The following ZFHX3 variants were observed in gnomAD, a reference collection of about 807,000 sequenced individuals.
The protein encoded by ZFHX3 is zinc finger homeobox protein 3.
In ZFHX3, 42 loss-of-function variants were observed where a neutral mutation model predicts 279.1. The observed-to-expected ratio is 0.15, with a 90% CI of 0.12 to 0.19. The LOEUF (loss-of-function observed/expected upper bound fraction) is 0.19, where lower values mean the gene tolerates loss of function less well. Among genes scored for constraint, ZFHX3 ranks in the 10% least tolerant of loss-of-function variants. The pLI, the probability that ZFHX3 is intolerant of heterozygous loss-of-function variation, is 1.00. For synonymous variants in ZFHX3, 2,293 were observed against 1,957.8 expected (o/e 1.17, Z -4.52); for missense variants, 4,981 against 4,754.0 (o/e 1.05, Z -1.40).
At chr16:73,144,113 C>T (rs1966854527) in intron 5 of ZFHX3, among the ~76,000 whole-genome samples, 1 of 152,100 alleles carries the variant, frequency 6.6e-6, no homozygotes, top group East Asian at 1.9e-4. Flanking sequence ...CAGCCAACCT[C>T]AAGACAGCAT....
chr16:73,703,677 G>A lies in ZFHX3; in HGVS notation c.-1607-23437C>T, dbSNP rs376547940. Reference sequence around the variant, plus strand: ...TGAGTAAGAAAGATTTAAGAGTCCCGGGAGGTGCCTGGCAGACACTGGACT... The same window carrying A: ...TGAGTAAGAAAGATTTAAGAGTCCCAGGAGGTGCCTGGCAGACACTGGACT... On this transcript the variant is annotated intron_variant, in intron 1 of 17. Transcript: ENST00000641206. Among the ~76,000 whole-genome samples, 85 of 152,198 alleles carry A rather than the reference G, an allele frequency of 5.6e-4. 1 individual carries two copies. In the South Asian group the frequency reaches 0.016, roughly 29 times the overall value.
chr16:73,292,077 AT>A (rs1313856643), intron 4 of ZFHX3, among the ~76,000 whole-genome samples: 1 of 152,222 alleles, frequency 6.6e-6, no homozygotes, highest in Non-Finnish European at 1.5e-5. Context: ...GTTCAAGTTC[AT>A]TATGTTACTT....
chr16:72,797,155 G>T lies in ZFHX3; in HGVS notation c.5527C>A (p.Gln1843Lys). ...EDLKAQVQVP[Q>K]QSHQQILPQQ... Reference sequence around the variant, plus strand: ...GGCAAGATCTGCTGATGGCTCTGCTGTGGGACCTGAACCTGAGCCTTCAGA... The same window carrying T: ...GGCAAGATCTGCTGATGGCTCTGCTTTGGGACCTGAACCTGAGCCTTCAGA... Residue 1843 changes from glutamine to lysine, a missense_variant, in exon 9 of 10, where the codon CAG (glutamine) becomes AAG (lysine). This residue lies in a region of ZFHX3 where 1,751 missense variants were observed against 1,770.0 expected (regional missense o/e 0.99). Transcript: ENST00000268489. 2 of 1,613,972 alleles carry T rather than the reference G, an allele frequency of 1.2e-6. No individual in the cohort carries two copies. Among genetic ancestry groups the T allele is most frequent in the East Asian group, 2.2e-5 (1 of 44,858 alleles).
intron 5 of ZFHX3, among the ~76,000 whole-genome samples, chr16:73,173,588 T>G (rs1706053717): frequency 6.6e-6 from 1 of 152,142 alleles, no homozygotes; most frequent in Non-Finnish European, 1.5e-5. Context: ...CTCTGCTCTC[T>G]TGCACTCCAA....
chr16:73,757,795 G>A (rs1487228163), intron 1 of ZFHX3, among the ~76,000 whole-genome samples: 2 of 152,208 alleles, frequency 1.3e-5, no homozygotes, highest in East Asian at 1.9e-4. Flanking sequence ...CTGGTCTCAA[G>A]GTGGATGTGA....
chr16:73,188,405 GAGA>G (rs1461908072), intron 5 of ZFHX3, among the ~76,000 whole-genome samples: 2 of 152,174 alleles, frequency 1.3e-5, no homozygotes, highest in Admixed American at 6.5e-5. Context: ...TTTCAAAATA[GAGA>G]AGGAGAAAGA....
At chr16:73,110,839 T>G (rs534248241) in intron 7 of ZFHX3, among the ~76,000 whole-genome samples, 9 of 152,284 alleles carry the variant, frequency 5.9e-5, no homozygotes, top group Admixed American at 5.9e-4. Flanking sequence ...GCTGGGATTA[T>G]AGGTGTGAAC....
chr16:73,620,296 G>C (rs1363081171), intron 2 of ZFHX3, among the ~76,000 whole-genome samples: 1 of 152,182 alleles, frequency 6.6e-6, no homozygotes, highest in African/African-American at 2.4e-5. Flanking sequence ...CTCAGGTTGA[G>C]ACTTATAAAG....
chr16:72,804,254 GACC>G (rs1487896120), intron 7 of ZFHX3, among the ~76,000 whole-genome samples: 2 of 152,108 alleles, frequency 1.3e-5, no homozygotes, highest in South Asian at 2.1e-4. Flanking sequence ...TCATTCAATT[GACC>G]ACCATTTACT....
chr16:73,777,749 G>A (rs866822662), intron 1 of ZFHX3, among the ~76,000 whole-genome samples: 2 of 152,118 alleles, frequency 1.3e-5, no homozygotes, highest in Admixed American at 1.3e-4. Flanking sequence ...CACTTGCTAT[G>A]TCTGGGTGAC....
At chr16:73,874,612 T>C (rs1216936938) in intron 1 of ZFHX3, among the ~76,000 whole-genome samples, 2 of 152,200 alleles carry the variant, frequency 1.3e-5, no homozygotes, top group Non-Finnish European at 2.9e-5. Flanking sequence ...TCAGTCTCAA[T>C]AAATATGTAA....
intron 7 of ZFHX3, chr16:73,130,886 G>A: frequency 2.6e-6 from 3 of 1,173,624 alleles, no homozygotes; most frequent in Non-Finnish European, 3.3e-6. Context: ...GGGATCACAG[G>A]GGTGAGCCAA....
chr16:73,833,146 C>G (rs931719966), intron 1 of ZFHX3, among the ~76,000 whole-genome samples: 1 of 152,074 alleles, frequency 6.6e-6, no homozygotes, highest in South Asian at 2.1e-4. Flanking sequence ...AAGGATTGCT[C>G]GAGGCCAGGA....
At chr16:73,856,949 C>T (rs1465738425) in intron 1 of ZFHX3, among the ~76,000 whole-genome samples, 1 of 152,194 alleles carries the variant, frequency 6.6e-6, no homozygotes, top group East Asian at 1.9e-4. Flanking sequence ...GAATGTCCAA[C>T]GTGAAATGAA....
intron 7 of ZFHX3, among the ~76,000 whole-genome samples, chr16:73,113,305 A>G (rs953780305): frequency 3.9e-5 from 6 of 152,200 alleles, no homozygotes; most frequent in African/African-American, 1.4e-4. Context: ...AAGATCTTTC[A>G]CCACGTCCCA....
At chr16:73,440,215 C>A (rs953339010) in intron 3 of ZFHX3, among the ~76,000 whole-genome samples, 3 of 152,204 alleles carry the variant, frequency 2.0e-5, no homozygotes, top group African/African-American at 7.2e-5. Context: ...CTCCAGTTTC[C>A]AAATTCTATC....
At chr16:73,590,165 T>C (rs2051979459) in intron 2 of ZFHX3, among the ~76,000 whole-genome samples, 1 of 152,174 alleles carries the variant, frequency 6.6e-6, no homozygotes, top group Admixed American at 6.5e-5. Context: ...CCTGCAGCCC[T>C]GAGTCTGAAT....
intron 5 of ZFHX3, among the ~76,000 whole-genome samples, chr16:73,152,486 A>G (rs1966966685): frequency 6.6e-6 from 1 of 152,188 alleles, no homozygotes; most frequent in African/African-American, 2.4e-5. Flanking sequence ...ATTTCAAGGA[A>G]CATTTTCAGA....
chr16:73,190,792 G>A (rs73597304), intron 5 of ZFHX3, among the ~76,000 whole-genome samples: 3,236 of 152,258 alleles, frequency 0.021, 102 homozygotes, highest in African/African-American at 0.073. Context: ...GTCACTCACC[G>A]AACCAGTGTC....
Sources: gnomAD v4.1 joint callset for allele counts (sites outside exome capture counted in the v4.1 genomes callset) on GRCh38, gnomAD v4.1.1 for gene constraint, gnomAD v4.1.1 regional missense constraint, MANE v1.5 for transcripts, NCBI Gene and HGNC (gene_info 2026-07-23, HGNC 2026-07-21) for gene names.